The following IGFL2 variants were observed in gnomAD, a reference collection of about 807,000 sequenced individuals.
IGFL2 encodes the protein insulin growth factor-like family member 2.
A neutral mutation model predicts 13.9 loss-of-function variants in IGFL2; 7 were observed. That is an observed-to-expected ratio of 0.51 (90% CI 0.29 to 0.95). The LOEUF is 0.95. Among genes scored for constraint, IGFL2 ranks in the 40% least tolerant of loss-of-function variants. The pLI is 0.08. For missense variants in IGFL2, 138 were observed against 147.8 expected, an observed-to-expected ratio of 0.93 and a Z score of 0.34; for synonymous variants, 55 against 55.8, an observed-to-expected ratio of 0.99 and a Z score of 0.07.
At chr19:46,115,365 C>G in the IGFL2 span, among the ~76,000 whole-genome samples, 3 of 152,086 alleles carry the variant, frequency 2.0e-5, no homozygotes, top group East Asian at 5.8e-4. Flanking sequence ...TGAATAACCC[C>G]CAAAATATCA....
intron 1 of IGFL2, chr19:46,148,818 C>G: frequency 6.8e-7 from 1 of 1,471,626 alleles, no homozygotes; most frequent in Non-Finnish European, 9.0e-7. Flanking sequence ...AGCTCTGACT[C>G]TTCCAGATAT....
the IGFL2 span, among the ~76,000 whole-genome samples, chr19:46,200,524 T>C: frequency 6.6e-6 from 1 of 151,270 alleles, no homozygotes; most frequent in Non-Finnish European, 1.5e-5. Flanking sequence ...TTCTTTTCTT[T>C]TCTTTCTTTC....
rs553862915 is a variant in IGFL2, at chr19:46,150,513, G to A, written c.19+2216G>A. Among the ~76,000 whole-genome samples, 128 of 152,208 alleles carry A rather than the reference G, an allele frequency of 8.4e-4. 2 individuals carry two copies. The Middle Eastern group carries it at 0.017, about 20-fold the overall frequency. On this transcript the variant is annotated intron_variant, in intron 1 of 3. Transcript: ENST00000377693. ...TTTAAGAAGTTGACAAAGAATAATT[G>A]TGTATATTTATGGGGTAAAATATGA...
At chr19:46,211,959 C>T in the IGFL2 span, among the ~76,000 whole-genome samples, 2 of 152,142 alleles carry the variant, frequency 1.3e-5, no homozygotes, top group Non-Finnish European at 2.9e-5. Context: ...TGATATTCTA[C>T]CATTACGTGG....
At chr19:46,150,831 T>A (rs941605064) in intron 1 of IGFL2, among the ~76,000 whole-genome samples, 3 of 151,850 alleles carry the variant, frequency 2.0e-5, no homozygotes, top group African/African-American at 7.3e-5. Flanking sequence ...CACCACACCA[T>A]GCTAATTTTG....
the IGFL2 span, among the ~76,000 whole-genome samples, chr19:46,127,709 G>A: frequency 2.0e-5 from 3 of 152,130 alleles, no homozygotes; most frequent in Non-Finnish European, 4.4e-5. Context: ...ATGTTAGATT[G>A]ATAGACAACA....
chr19:46,088,382 C>T, the IGFL2 span, among the ~76,000 whole-genome samples: 4 of 152,076 alleles, frequency 2.6e-5, no homozygotes, highest in Admixed American at 2.6e-4. Flanking sequence ...AACTAATGAA[C>T]CCATATGTTT....
the IGFL2 span, among the ~76,000 whole-genome samples, chr19:46,205,603 T>TGAGAGAGAGA: frequency 2.3e-4 from 34 of 150,510 alleles, no homozygotes; most frequent in Admixed American, 7.3e-4. Context: ...ATTCAGGTGC[T>TGAGAGAGAGA]GAGAGAGAGA....
upstream of IGFL2, among the ~76,000 whole-genome samples, chr19:46,140,226 A>G (rs961974915): frequency 2.6e-4 from 37 of 141,366 alleles, no homozygotes; most frequent in Admixed American, 7.3e-5. Context: ...AATTACAAGC[A>G]TGAGCCACCA....
chr19:46,153,836 TATA>T (rs1352420226), intron 1 of IGFL2, among the ~76,000 whole-genome samples: 13 of 142,200 alleles, frequency 9.1e-5, no homozygotes, highest in African/African-American at 2.6e-4. Flanking sequence ...TATATATATA[TATA>T]TTTTTTTTAC....
the IGFL2 span, chr19:46,181,087 A>G: frequency 6.6e-6 from 1 of 152,222 alleles, no homozygotes; most frequent in East Asian, 1.9e-4. Flanking sequence ...CCATCCCAAC[A>G]TTGAAACCTC....
At chr19:46,085,686 T>G in the IGFL2 span, among the ~76,000 whole-genome samples, 1 of 152,210 alleles carries the variant, frequency 6.6e-6, no homozygotes, top group East Asian at 1.9e-4. Context: ...GGTTGTTATG[T>G]AGACCTGATT....
chr19:46,189,522 G>C, the IGFL2 span: 1 of 152,362 alleles, frequency 6.6e-6, no homozygotes, highest in African/African-American at 2.4e-5. Context: ...CTGCTAAGTA[G>C]TGGGTGCTTT....
the IGFL2 span, among the ~76,000 whole-genome samples, chr19:46,078,935 T>C: frequency 0.17 from 1 of 6 alleles, no homozygotes; most frequent in Admixed American, 0.5. Context: ...CGCGCAGGCG[T>C]CGTCAGTAGA....
intron 1 of IGFL2, among the ~76,000 whole-genome samples, chr19:46,154,109 T>C (rs1973673574): frequency 6.6e-6 from 1 of 152,160 alleles, no homozygotes. Flanking sequence ...GTTCCTGTGT[T>C]AGTTTGCTGA....
At chr19:46,134,470 A>G in the IGFL2 span, among the ~76,000 whole-genome samples, 2 of 152,202 alleles carry the variant, frequency 1.3e-5, no homozygotes, top group Non-Finnish European at 2.9e-5. Flanking sequence ...TATATTACAT[A>G]TGCAACTCAC....
the IGFL2 span, among the ~76,000 whole-genome samples, chr19:46,105,764 C>T: frequency 2.0e-5 from 3 of 152,158 alleles, no homozygotes; most frequent in Non-Finnish European, 4.4e-5. Context: ...AGAGCAGCAG[C>T]AGCTGCTGCA....
the IGFL2 span, among the ~76,000 whole-genome samples, chr19:46,079,668 TC>T: frequency 1.5e-3 from 232 of 152,284 alleles, 1 homozygote; most frequent in African/African-American, 4.9e-3. Context: ...CTGCACCACT[TC>T]TGCCAGCTCG....
At chr19:46,204,580 T>C in the IGFL2 span, among the ~76,000 whole-genome samples, 1 of 152,128 alleles carries the variant, frequency 6.6e-6, no homozygotes. Context: ...CAAACAGCTC[T>C]AGGTCCACTG....
Sources: allele counts gnomAD v4.1 joint callset (sites outside exome capture counted in the v4.1 genomes callset), GRCh38; gene constraint gnomAD v4.1.1; transcripts MANE v1.5; gene names NCBI Gene and HGNC (gene_info 2026-07-23, HGNC 2026-07-21).